ITGA11: variants seen among roughly 807,000 people sequenced by gnomAD.
ITGA11 encodes integrin alpha-11.
In ITGA11, 97 loss-of-function variants were observed where a neutral mutation model predicts 141.9. The ratio of observed to expected loss-of-function variants is 0.68; its 90% CI spans 0.58 to 0.81. The LOEUF is 0.81. Among genes scored for constraint, ITGA11 ranks in the 30% least tolerant of loss-of-function variants. The probability of loss-of-function intolerance (pLI) is 0.00; values close to 1 mark genes in which losing one functional copy is unlikely to be tolerated. For missense variants in ITGA11, 1,387 were observed against 1,559.2 expected (o/e 0.89, Z 1.86); for synonymous variants, 658 against 624.6 (o/e 1.05, Z -0.80).
chr15:68,323,807 C>T (rs557035362), intron 18 of ITGA11, among the ~76,000 whole-genome samples: 1 of 152,254 alleles, frequency 6.6e-6, no homozygotes, highest in East Asian at 1.9e-4. Flanking sequence ...CCAAAGGCTC[C>T]CTCCTCCAGG....
rs1361090278 is a variant in ITGA11, at chr15:68,299,063, T to G, written c.*3996A>C. On this transcript the variant is annotated 3_prime_UTR_variant, in exon 30 of 30. Transcript: ENST00000315757. The stretch of plus-strand genomic sequence containing the variant: ...TCAAAACAAACCATGCAAAGCTGAT[T>G]AGAAAGGGTAAGTCCCTCAAGGATA... 6 of 152,172 alleles carry G rather than the reference T, an allele frequency of 3.9e-5. No individual in the cohort carries two copies. Among genetic ancestry groups the G allele is most frequent in the African/African-American group, 1.4e-4 (6 of 41,430 alleles). The allele number at this position is 152,172 out of a possible 1,614,324, so 9.4% of individuals were successfully genotyped here.
intron 3 of ITGA11, among the ~76,000 whole-genome samples, chr15:68,368,657 C>T (rs774586503): frequency 2.0e-5 from 3 of 152,182 alleles, no homozygotes; most frequent in Non-Finnish European, 4.4e-5. Flanking sequence ...AAGCCCTGCT[C>T]CTTGTGAGCT....
intron 1 of ITGA11, among the ~76,000 whole-genome samples, chr15:68,431,204 C>T (rs1364160059): frequency 6.6e-6 from 1 of 152,256 alleles, no homozygotes; most frequent in Non-Finnish European, 1.5e-5. Flanking sequence ...GCTTCCCGCT[C>T]CCAGCCGCGC....
At chr15:68,376,482 G>T (rs766390121) in intron 2 of ITGA11, among the ~76,000 whole-genome samples, 21 of 152,284 alleles carry the variant, frequency 1.4e-4, no homozygotes, top group Non-Finnish European at 2.4e-4. Context: ...TTGCTGGTCA[G>T]GTGGGCAGCC....
At chr15:68,395,267 T>C (rs1382204386) in intron 2 of ITGA11, among the ~76,000 whole-genome samples, 3 of 152,204 alleles carry the variant, frequency 2.0e-5, no homozygotes, top group Non-Finnish European at 4.4e-5. Flanking sequence ...AGAGCACTTT[T>C]GTCCTCCAAA....
intron 2 of ITGA11, among the ~76,000 whole-genome samples, chr15:68,372,248 A>G (rs28493712): frequency 0.019 from 2,901 of 152,134 alleles, 79 homozygotes; most frequent in African/African-American, 0.066. Context: ...CCAGTTTGAG[A>G]GGATAACTGC....
At chr15:68,309,578 G>A (rs1277272752) in intron 26 of ITGA11, among the ~76,000 whole-genome samples, 3 of 147,168 alleles carry the variant, frequency 2.0e-5, no homozygotes, top group Non-Finnish European at 4.5e-5. Context: ...ATGTAACCAT[G>A]TCAATACAGT....
chr15:68,396,915 ATTAT>A (rs1370305386), intron 2 of ITGA11, among the ~76,000 whole-genome samples: 3 of 91,600 alleles, frequency 3.3e-5, no homozygotes, highest in African/African-American at 4.4e-5. Flanking sequence ...TTTATTATAT[ATTAT>A]TTATTATATA....
intron 28 of ITGA11, among the ~76,000 whole-genome samples, chr15:68,306,999 TCA>T (rs898765922): frequency 6.6e-6 from 1 of 152,270 alleles, no homozygotes; most frequent in Admixed American, 6.5e-5. Flanking sequence ...TCGTTGGGTC[TCA>T]CAGAGTCTCA....
At chr15:68,372,680 G>T (rs894482260) in intron 2 of ITGA11, among the ~76,000 whole-genome samples, 2 of 152,160 alleles carry the variant, frequency 1.3e-5, no homozygotes, top group Non-Finnish European at 2.9e-5. Flanking sequence ...CTGGAAGGCC[G>T]GACATGGCAC....
intron 11 of ITGA11, among the ~76,000 whole-genome samples, chr15:68,336,626 C>T (rs1213234895): frequency 6.6e-6 from 1 of 152,180 alleles, no homozygotes; most frequent in Non-Finnish European, 1.5e-5. Flanking sequence ...AAAGTGGGCT[C>T]CAGCAGGTGT....
rs373017058 is a variant in ITGA11, at chr15:68,312,744, C to T, written c.2973+29G>A. The T allele has an allele frequency of 4.5e-6, 7 of 1,544,060 alleles. 1 individual carries two copies. The South Asian group carries it at 5.6e-5, about 12-fold the overall frequency. On this transcript the variant is annotated intron_variant, in intron 24 of 29. Coordinates refer to ENST00000315757, the MANE Select transcript of ITGA11 (RefSeq NM_001004439.2). ...GGGGGTGCTCAGATCCCGTCCTTCC[C>T]CCTCTACCCGGCTCCCCTCCAGCCT...
In ITGA11 at chr15:68,297,051, C is replaced by T. The variant is rs1017736277; in HGVS notation, c.*6008G>A. 1.3e-5 allele frequency: 2 copies of T among 152,154 alleles called. No individual in the cohort carries two copies. The highest frequency in any genetic ancestry group is 1.9e-4 in the East Asian group (1 of 5,196). 9.4% of individuals were successfully genotyped at this position (152,154 alleles called of 1,614,324 possible). On this transcript the variant is annotated 3_prime_UTR_variant, in exon 30 of 30. Transcript: ENST00000315757. ...ATCTTCCGGGCTCAAGTGATCCTCT[C>T]ACCTCAGCCTCCCAAGTAGCTGGGA...
At chr15:68,396,205 A>G (rs562786517) in intron 2 of ITGA11, among the ~76,000 whole-genome samples, 7 of 152,172 alleles carry the variant, frequency 4.6e-5, no homozygotes, top group African/African-American at 1.7e-4. Flanking sequence ...AATGAGGTTT[A>G]TCCCAGGAAT....
chr15:68,420,442 T>C (rs1214902526), intron 1 of ITGA11, among the ~76,000 whole-genome samples: 1 of 152,184 alleles, frequency 6.6e-6, no homozygotes, highest in African/African-American at 2.4e-5. Flanking sequence ...TCCAGAGCCC[T>C]TCCTCCCTTC....
chr15:68,402,533 C>T (rs1896535594), intron 2 of ITGA11, among the ~76,000 whole-genome samples: 1 of 152,068 alleles, frequency 6.6e-6, no homozygotes, highest in Non-Finnish European at 1.5e-5. Context: ...TGCCCCATCG[C>T]TGCCTGGGTT....
Position 68,321,464 on chromosome 15 carries a change from C to T in ITGA11, c.2362G>A (p.Val788Ile), listed in dbSNP as rs759128550. 3 of 1,594,378 alleles carry T rather than the reference C, an allele frequency of 1.9e-6. No homozygotes were observed. Among genetic ancestry groups the T allele is most frequent in the Non-Finnish European group, 2.6e-6 (3 of 1,170,382 alleles). Reference protein sequence around the residue: ...WNGCNEDEHCVPDLVLDARSD... With the variant: ...WNGCNEDEHCIPDLVLDARSD... Reference sequence around the variant, plus strand: ...CGGGCATCCAACACAAGGTCAGGGACACAGTGCTCATCCTCATTGCAGCCG... The same window carrying T: ...CGGGCATCCAACACAAGGTCAGGGATACAGTGCTCATCCTCATTGCAGCCG... Residue 788 changes from valine to isoleucine, a missense_variant, in exon 19 of 30, where the codon GTC (valine) becomes ATC (isoleucine). Physicochemically the swap from Val to Ile is conservative, Grantham distance 29 (BLOSUM62 3). Transcript: ENST00000315757. The surrounding 1 kb of genome is among the most constrained non-coding windows in gnomAD (Gnocchi z 4.9).
chr15:68,336,497 CTT>C (rs1894364011), intron 11 of ITGA11, among the ~76,000 whole-genome samples: 1 of 152,140 alleles, frequency 6.6e-6, no homozygotes, highest in African/African-American at 2.4e-5. Flanking sequence ...CCCAGGGGCT[CTT>C]TTGGAAAGGC....
chr15:68,371,348 C>T, intron 2 of ITGA11, among the ~76,000 whole-genome samples: 1 of 152,204 alleles, frequency 6.6e-6, no homozygotes, highest in East Asian at 1.9e-4. Context: ...CTCCCGGGCA[C>T]TGTTGCCAGA....
Sources: allele counts gnomAD v4.1 joint callset (sites outside exome capture counted in the v4.1 genomes callset), GRCh38; gene constraint gnomAD v4.1.1; non-coding constraint Gnocchi (gnomAD v3.1); transcripts MANE v1.5; gene names NCBI Gene and HGNC (gene_info 2026-07-23, HGNC 2026-07-21).